STK32A: variants seen among roughly 807,000 people sequenced by gnomAD.
STK32A encodes serine/threonine-protein kinase 32A.
In STK32A, 41 loss-of-function variants were observed where a neutral mutation model predicts 53.2. That is an observed-to-expected ratio of 0.77 (90% confidence interval 0.60 to 1.00). The LOEUF (loss-of-function observed/expected upper bound fraction) is 1.00. STK32A is among the 50% of genes least tolerant of loss of function. The probability of loss-of-function intolerance (pLI) is 0.00; values close to 1 mark genes in which losing one functional copy is unlikely to be tolerated. For synonymous variants in STK32A, 166 were observed against 162.8 expected (o/e 1.02, Z -0.15); for missense variants, 458 against 485.8 (o/e 0.94, Z 0.54).
chr5:147,377,821 G>A (rs941974752), intron 11 of STK32A, among the ~76,000 whole-genome samples: 7 of 152,038 alleles, frequency 4.6e-5, no homozygotes, highest in African/African-American at 1.2e-4. Context: ...GACAAAGTTG[G>A]TTTTGACAGT....
At chr5:147,274,427 G>C (rs571850211) in intron 2 of STK32A, among the ~76,000 whole-genome samples, 3 of 152,120 alleles carry the variant, frequency 2.0e-5, no homozygotes, top group South Asian at 2.1e-4. Context: ...GAACCAGAAT[G>C]AAAGTTTTGG....
intron 5 of STK32A, among the ~76,000 whole-genome samples, chr5:147,327,557 A>T (rs1754660949): frequency 6.6e-6 from 1 of 152,192 alleles, no homozygotes; most frequent in African/African-American, 2.4e-5. Context: ...ATTACCCGTA[A>T]ACAGTCAGCA....
intron 4 of STK32A, among the ~76,000 whole-genome samples, chr5:147,295,015 A>G (rs1752803191): frequency 1.3e-5 from 2 of 152,144 alleles, no homozygotes; most frequent in African/African-American, 4.8e-5. Flanking sequence ...TACGATAACT[A>G]CAATTTTAAC....
intron 5 of STK32A, among the ~76,000 whole-genome samples, chr5:147,326,690 C>T (rs562277120): frequency 6.6e-6 from 1 of 152,270 alleles, no homozygotes; most frequent in African/African-American, 2.4e-5. Context: ...GACATTAAAT[C>T]CAAAGGCCTC....
At chr5:147,331,760 G>C (rs900579910) in intron 5 of STK32A, among the ~76,000 whole-genome samples, 2 of 152,246 alleles carry the variant, frequency 1.3e-5, no homozygotes, top group Non-Finnish European at 2.9e-5. Flanking sequence ...CATACAAAGA[G>C]TGAAGATGAT....
At chr5:147,394,676 C>T in the STK32A span, among the ~76,000 whole-genome samples, 2 of 139,986 alleles carry the variant, frequency 1.4e-5, no homozygotes, top group Admixed American at 7.2e-5. Context: ...CAGAGAACAA[C>T]AACAACAAAA....
At chr5:147,317,465 T>C (rs1168913749) in intron 4 of STK32A, among the ~76,000 whole-genome samples, 2 of 150,986 alleles carry the variant, frequency 1.3e-5, no homozygotes, top group Non-Finnish European at 2.9e-5. Context: ...GTAGCTGAGA[T>C]TATAGGTGCG....
intron 4 of STK32A, among the ~76,000 whole-genome samples, chr5:147,309,750 T>A: frequency 6.6e-6 from 1 of 152,208 alleles, no homozygotes; most frequent in East Asian, 1.9e-4. Flanking sequence ...ACATGTATAA[T>A]TTCATATATC....
chr5:147,390,478 C>CA (rs151186049), downstream of STK32A, among the ~76,000 whole-genome samples: 33,841 of 110,644 alleles, frequency 0.31, 4,400 homozygotes, highest in East Asian at 0.56. Context: ...GGGGAAAGAC[C>CA]AAAAAAAAAA....
intron 2 of STK32A, among the ~76,000 whole-genome samples, chr5:147,264,994 A>G (rs1432636205): frequency 6.6e-6 from 1 of 151,786 alleles, no homozygotes; most frequent in African/African-American, 2.4e-5. Context: ...ACTGAAATAG[A>G]GCAAAATATG....
chr5:147,295,289 C>G (rs1217276893), intron 4 of STK32A, among the ~76,000 whole-genome samples: 1 of 152,238 alleles, frequency 6.6e-6, no homozygotes, highest in Non-Finnish European at 1.5e-5. Flanking sequence ...TTATACACTT[C>G]TATCTCATTT....
intron 11 of STK32A, 189 bp from the exon 12 acceptor site, chr5:147,383,252 G>C: frequency 1.6e-6 from 1 of 618,766 alleles, no homozygotes; most frequent in Non-Finnish European, 2.9e-6. Context: ...AGGGGAGACA[G>C]ATTCCTGGTG....
intron 8 of STK32A, among the ~76,000 whole-genome samples, chr5:147,367,194 T>C (rs372923795): frequency 2.8e-4 from 42 of 151,832 alleles, no homozygotes; most frequent in African/African-American, 9.2e-4. Context: ...GCCTCCCAAG[T>C]AGCTGGGACT....
At chr5:147,379,146 G>A (rs980351667) in intron 11 of STK32A, among the ~76,000 whole-genome samples, 1 of 151,486 alleles carries the variant, frequency 6.6e-6, no homozygotes, top group Admixed American at 6.6e-5. Flanking sequence ...CATTTCCCTT[G>A]TTAGCTATAT....
At chr5:147,361,274 G>A (rs562916419) in intron 7 of STK32A, among the ~76,000 whole-genome samples, 33 of 152,252 alleles carry the variant, frequency 2.2e-4, no homozygotes, top group South Asian at 8.3e-4. Flanking sequence ...CTAAATAAGC[G>A]AAGAGTTTAT....
At chr5:147,283,078 C>A (rs1752140634) in intron 4 of STK32A, among the ~76,000 whole-genome samples, 1 of 151,990 alleles carries the variant, frequency 6.6e-6, no homozygotes, top group Non-Finnish European at 1.5e-5. Flanking sequence ...TAAGAAAATT[C>A]ATATTATATC....
chr5:147,283,026 G>T (rs111704017), intron 4 of STK32A, among the ~76,000 whole-genome samples: 1,550 of 152,184 alleles, frequency 0.01, 34 homozygotes, highest in African/African-American at 0.035. Flanking sequence ...GTTTCTCCAA[G>T]ATAGACCATA....
chr5:147,383,406 T>C, intron 11 of STK32A, 35 bp from the exon 12 acceptor site: 1 of 1,548,604 alleles, frequency 6.5e-7, no homozygotes, highest in Non-Finnish European at 8.8e-7. Context: ...GTCTGCTAAC[T>C]ATACCTCTAT....
rs774329610 is a variant in STK32A, at chr5:147,384,459, A to C, written c.*476A>C. ...TAAAGTGGTCAGAATGCCCCAGGCT[A>C]CTTGGATAAAGATAAGGAATTCTAT... On this transcript the variant is annotated 3_prime_UTR_variant, in exon 13 of 13. Coordinates refer to ENST00000397936, the MANE Select transcript of STK32A (RefSeq NM_001112724.2). 3 of 1,524,500 alleles carry C rather than the reference A, an allele frequency of 2.0e-6. No individual in the cohort carries two copies. The African/African-American group carries it at 4.1e-5, about 21-fold the overall frequency. The allele number at this position is 1,524,500 out of a possible 1,614,324, so 94.4% of individuals were successfully genotyped here. A position where few individuals can be genotyped will look rare whatever the true frequency, so the allele number is the denominator to read the frequency against.
Sources: gnomAD v4.1 joint callset for allele counts (sites outside exome capture counted in the v4.1 genomes callset) on GRCh38, gnomAD v4.1.1 for gene constraint, MANE v1.5 for transcripts, NCBI Gene and HGNC (gene_info 2026-07-23, HGNC 2026-07-21) for gene names.